Variants in CAMTA1 observed in about 807,000 individuals in gnomAD.
CAMTA1 encodes calmodulin-binding transcription activator 1.
A neutral mutation model predicts 170.9 loss-of-function variants in CAMTA1; 27 were observed. The ratio of observed to expected loss-of-function variants is 0.16; its 90% confidence interval spans 0.12 to 0.22. The LOEUF is 0.22. Ranked by LOEUF, CAMTA1 falls within the 10% of genes least tolerant of loss-of-function variation. The pLI is 1.00. For synonymous variants in CAMTA1, 833 were observed against 891.5 expected (o/e 0.93, Z 1.17); for missense variants, 1,619 against 2,217.2 (o/e 0.73, Z 5.42).
chr1:6,861,964 CTTT>C (rs1328461176), intron 3 of CAMTA1, among the ~76,000 whole-genome samples: 7 of 140,124 alleles, frequency 5.0e-5, no homozygotes, highest in Admixed American at 7.2e-5. Context: ...TAGTATTTGT[CTTT>C]TTTTTTTTTT....
At chr1:7,383,640 G>C (rs1164033177) in intron 5 of CAMTA1, among the ~76,000 whole-genome samples, 1 of 152,146 alleles carries the variant, frequency 6.6e-6, no homozygotes, top group Admixed American at 6.5e-5. Flanking sequence ...AGGATGATGG[G>C]GGTGAGGTGA....
At chr1:7,171,901 G>A (rs1428944462) in intron 4 of CAMTA1, among the ~76,000 whole-genome samples, 1 of 152,152 alleles carries the variant, frequency 6.6e-6, no homozygotes, top group Admixed American at 6.5e-5. Context: ...CACTCCTCAT[G>A]CAGTTTCTGA....
At chr1:6,990,820 TTTA>T (rs1255307001) in intron 3 of CAMTA1, among the ~76,000 whole-genome samples, 4 of 146,306 alleles carry the variant, frequency 2.7e-5, no homozygotes, top group African/African-American at 1.0e-4. Context: ...TATATATATA[TTTA>T]TATATATATG....
intron 22 of CAMTA1, among the ~76,000 whole-genome samples, chr1:7,763,676 T>C (rs936588171): frequency 1.3e-5 from 2 of 152,268 alleles, no homozygotes; most frequent in African/African-American, 4.8e-5. Flanking sequence ...ATAGATTCTT[T>C]GGTATGAAAC....
At chr1:7,037,377 C>T (rs1346416850) in intron 3 of CAMTA1, among the ~76,000 whole-genome samples, 41 of 152,000 alleles carry the variant, frequency 2.7e-4, no homozygotes, top group Admixed American at 2.7e-3. Flanking sequence ...GGGAGAGGAT[C>T]CCACTTGAGG....
chr1:7,103,943 G>T (rs1573066333), intron 4 of CAMTA1, among the ~76,000 whole-genome samples: 1 of 117,980 alleles, frequency 8.5e-6, no homozygotes, highest in Non-Finnish European at 1.7e-5. Flanking sequence ...CACACATACA[G>T]CACACACGTA....
intron 6 of CAMTA1, among the ~76,000 whole-genome samples, chr1:7,600,636 A>T (rs60937175): frequency 6.6e-6 from 1 of 151,596 alleles, no homozygotes; most frequent in Non-Finnish European, 1.5e-5. Context: ...GCGGCCTTCC[A>T]AAGTGTTTGT....
chr1:7,586,462 C>A (rs952133004), intron 6 of CAMTA1, among the ~76,000 whole-genome samples: 1 of 152,138 alleles, frequency 6.6e-6, no homozygotes, highest in African/African-American at 2.4e-5. Flanking sequence ...CCACACCGAA[C>A]CTCCTGGCAG....
At chr1:7,403,019 G>A (rs116456793) in intron 5 of CAMTA1, among the ~76,000 whole-genome samples, 3,058 of 152,264 alleles carry the variant, frequency 0.02, 96 homozygotes, top group African/African-American at 0.069. Context: ...TATGTGCCAG[G>A]CACTGTGCTA....
chr1:6,966,723 G>T (rs975843922), intron 3 of CAMTA1, among the ~76,000 whole-genome samples: 1 of 148,536 alleles, frequency 6.7e-6, no homozygotes, highest in African/African-American at 2.5e-5. Flanking sequence ...CAATTCTCCT[G>T]CCTCAGCCTT....
rs554735618 is a variant in CAMTA1, at chr1:7,436,553, G to C, written c.439-31277G>C. Among the ~76,000 whole-genome samples the C allele has an allele frequency of 5.7e-4, 87 of 152,300 alleles. 2 individuals are homozygous for C. The highest frequency in any genetic ancestry group is 1.8e-3 in the African/African-American group (74 of 41,584). ...CAGACCACAGGGCCCCAGGGAACCTGAGGTGGGAGGAGCAGGGTGAGGTCG... is the reference window on the plus strand; with the variant it reads ...CAGACCACAGGGCCCCAGGGAACCTCAGGTGGGAGGAGCAGGGTGAGGTCG... On this transcript the variant is annotated intron_variant, in intron 5 of 22. Coordinates refer to ENST00000303635, the MANE Select transcript of CAMTA1 (RefSeq NM_015215.4).
intron 6 of CAMTA1, among the ~76,000 whole-genome samples, chr1:7,610,904 C>T (rs2150675643): frequency 6.6e-6 from 1 of 152,376 alleles, no homozygotes; most frequent in African/African-American, 2.4e-5. Context: ...AAGGCCAGGG[C>T]TTCCCAGTCC....
chr1:6,892,577 C>T (rs931798091), intron 3 of CAMTA1, among the ~76,000 whole-genome samples: 5 of 149,376 alleles, frequency 3.3e-5, no homozygotes, highest in African/African-American at 1.2e-4. Flanking sequence ...ATGAGTCTTC[C>T]AAGCAAATTT....
At chr1:7,078,126 C>G (rs1180488022) in intron 3 of CAMTA1, among the ~76,000 whole-genome samples, 2 of 152,250 alleles carry the variant, frequency 1.3e-5, no homozygotes, top group Non-Finnish European at 2.9e-5. Flanking sequence ...TAGCTTATCC[C>G]TTGTCCTTAG....
intron 3 of CAMTA1, among the ~76,000 whole-genome samples, chr1:6,980,183 T>A (rs1236802011): frequency 3.3e-5 from 5 of 152,176 alleles, no homozygotes; most frequent in Non-Finnish European, 7.3e-5. Flanking sequence ...TGCTGAAGTC[T>A]CGCCTGTTGG....
intron 5 of CAMTA1, among the ~76,000 whole-genome samples, chr1:7,353,996 G>A (rs1484519908): frequency 6.6e-6 from 1 of 152,008 alleles, no homozygotes; most frequent in Non-Finnish European, 1.5e-5. Flanking sequence ...ATTTATAAGC[G>A]AGAACATGCA....
chr1:7,720,976 A>C (rs1342699969), intron 11 of CAMTA1, among the ~76,000 whole-genome samples: 2 of 152,180 alleles, frequency 1.3e-5, no homozygotes, highest in Non-Finnish European at 2.9e-5. Context: ...GCACCTGGGG[A>C]GCGGAGGCTG....
chr1:7,403,854 C>T (rs958046521), intron 5 of CAMTA1, among the ~76,000 whole-genome samples: 2 of 152,176 alleles, frequency 1.3e-5, no homozygotes, highest in Non-Finnish European at 1.5e-5. Flanking sequence ...CGTACCAGGA[C>T]TAGTCATTTT....
chr1:7,639,810 T>G (rs2095746489), intron 6 of CAMTA1, among the ~76,000 whole-genome samples: 1 of 150,724 alleles, frequency 6.6e-6, no homozygotes, highest in Non-Finnish European at 1.5e-5. Context: ...GGGCTGTTTG[T>G]CAGGGGAGAA....
Sources: gnomAD v4.1 joint callset for allele counts (sites outside exome capture counted in the v4.1 genomes callset) on GRCh38, gnomAD v4.1.1 for gene constraint, MANE v1.5 for transcripts, NCBI Gene and HGNC (gene_info 2026-07-23, HGNC 2026-07-21) for gene names.